Variants in SLC4A4 observed in about 807,000 individuals in gnomAD.
SLC4A4 encodes the protein solute carrier family 4 member 4.
SLC4A4 carries 27 observed loss-of-function variants against 111.5 expected under a neutral mutation model. The ratio of observed to expected loss-of-function variants is 0.24; its 90% CI spans 0.18 to 0.33. The LOEUF is 0.33. Among genes scored for constraint, SLC4A4 ranks in the 10% least tolerant of loss-of-function variants. The pLI, the probability that SLC4A4 is intolerant of heterozygous loss-of-function variation, is 1.00. For synonymous variants in SLC4A4, 443 were observed against 463.4 expected (o/e 0.96, Z 0.57); for missense variants, 909 against 1,315.5 (o/e 0.69, Z 4.78).
intron 2 of SLC4A4, among the ~76,000 whole-genome samples, chr4:71,252,468 A>C (rs186805698): frequency 1.1e-4 from 17 of 152,238 alleles, no homozygotes; most frequent in Admixed American, 9.8e-4. Context: ...CTTGTCCTCT[A>C]CCTGAACACA....
At chr4:71,196,992 A>G (rs1746041668) in intron 1 of SLC4A4, among the ~76,000 whole-genome samples, 1 of 151,688 alleles carries the variant, frequency 6.6e-6, no homozygotes, top group African/African-American at 2.4e-5. Flanking sequence ...AGGTGGGCGG[A>G]TTGTTTGAGG....
chr4:71,367,708 G>A (rs1266767776), intron 6 of SLC4A4, among the ~76,000 whole-genome samples: 1 of 152,188 alleles, frequency 6.6e-6, no homozygotes, highest in African/African-American at 2.4e-5. Flanking sequence ...AATTCAGATT[G>A]CAAAGAGAAG....
intron 3 of SLC4A4, among the ~76,000 whole-genome samples, chr4:71,328,334 T>C (rs978597998): frequency 6.6e-6 from 1 of 152,154 alleles, no homozygotes; most frequent in Non-Finnish European, 1.5e-5. Context: ...TCCTTTCTTT[T>C]GAGCATATAC....
At chr4:71,352,052 C>T (rs1029082386) in intron 5 of SLC4A4, among the ~76,000 whole-genome samples, 1 of 152,090 alleles carries the variant, frequency 6.6e-6, no homozygotes, top group African/African-American at 2.4e-5. Context: ...AAAACAGAAG[C>T]AAGCAGAAAG....
At chr4:71,177,419 A>G (rs370797984) in intron 2 of SLC4A4, among the ~76,000 whole-genome samples, 3 of 151,662 alleles carry the variant, frequency 2.0e-5, no homozygotes, top group Non-Finnish European at 2.9e-5. Flanking sequence ...TCAGTGTGCT[A>G]TATTCAGGAA....
intron 8 of SLC4A4, among the ~76,000 whole-genome samples, chr4:71,443,788 A>G (rs1724987221): frequency 6.6e-6 from 1 of 152,190 alleles, no homozygotes; most frequent in Admixed American, 6.5e-5. Context: ...GATAATATAT[A>G]TATGTTACAA....
chr4:71,228,752 C>T (rs1234334819), intron 1 of SLC4A4, among the ~76,000 whole-genome samples: 1 of 152,136 alleles, frequency 6.6e-6, no homozygotes, highest in African/African-American at 2.4e-5. Context: ...ATTGTAGATT[C>T]AAATGCGTAT....
chr4:71,357,478 T>G (rs916047284), intron 6 of SLC4A4, among the ~76,000 whole-genome samples: 23 of 152,156 alleles, frequency 1.5e-4, no homozygotes, highest in African/African-American at 5.6e-4. Context: ...ATGAAACAAT[T>G]GAATATTATA....
intron 12 of SLC4A4, among the ~76,000 whole-genome samples, chr4:71,454,490 C>T (rs1032038415): frequency 1.3e-5 from 2 of 152,046 alleles, no homozygotes; most frequent in Admixed American, 1.3e-4. Context: ...TTTCCTTCCA[C>T]TTTACTATAT....
chr4:71,150,838 T>G (rs1027731795), intron 2 of SLC4A4, among the ~76,000 whole-genome samples: 1 of 152,150 alleles, frequency 6.6e-6, no homozygotes, highest in Non-Finnish European at 1.5e-5. Context: ...GCATTTTTCT[T>G]ATATTTTACT....
At position 71,530,400 on chromosome 4, in the gene SLC4A4, G is replaced by A. The variant is rs370146665; in HGVS notation, c.2167-1662G>A. On this transcript the variant is annotated intron_variant, in intron 16 of 25. Coordinates refer to ENST00000264485, the MANE Select transcript of SLC4A4 (RefSeq NM_001098484.3). ...ATGTTTTGCAGATGAAGTAATTGAA[G>A]CTAAGAAAGGGTAGGTATTTACAAA... 5.9e-5 allele frequency among the ~76,000 whole-genome samples: 9 copies of A among 152,256 alleles called. No homozygotes were observed. The East Asian group carries it at 1.5e-3, about 26-fold the overall frequency.
chr4:71,089,709 G>A (rs1742319277), intron 1 of SLC4A4, among the ~76,000 whole-genome samples: 1 of 152,030 alleles, frequency 6.6e-6, no homozygotes, highest in Non-Finnish European at 1.5e-5. Flanking sequence ...CTGCAGAACA[G>A]TGGATATTGG....
chr4:71,117,536 CAT>C (rs1322772953), intron 2 of SLC4A4, among the ~76,000 whole-genome samples: 76 of 152,258 alleles, frequency 5.0e-4, no homozygotes, highest in Non-Finnish European at 1.6e-4. Flanking sequence ...CCTAGTGAAA[CAT>C]GTGGCTGATT....
At chr4:71,439,232 G>C (rs1724446736) in intron 7 of SLC4A4, among the ~76,000 whole-genome samples, 1 of 151,114 alleles carries the variant, frequency 6.6e-6, no homozygotes. Flanking sequence ...TTCGAGACCA[G>C]CCTGGCCAAT....
intron 8 of SLC4A4, among the ~76,000 whole-genome samples, chr4:71,443,116 C>CTCTATATATATA (rs1198759861): frequency 1.5e-4 from 10 of 65,654 alleles, no homozygotes; most frequent in Non-Finnish European, 2.1e-4. Flanking sequence ...CTCTCTCTCT[C>CTCTATATATATA]TATATATATA....
chr4:71,196,391 T>C (rs554922996), intron 1 of SLC4A4, among the ~76,000 whole-genome samples: 2 of 152,242 alleles, frequency 1.3e-5, no homozygotes, highest in South Asian at 4.1e-4. Flanking sequence ...AAGATTTAGA[T>C]AAACTAGATT....
intron 4 of SLC4A4, among the ~76,000 whole-genome samples, chr4:71,342,841 T>C (rs1457572394): frequency 6.6e-6 from 1 of 152,202 alleles, no homozygotes; most frequent in Non-Finnish European, 1.5e-5. Flanking sequence ...TTTACCATCC[T>C]TAGAGACGTT....
chr4:71,412,007 C>G (rs946064733), intron 7 of SLC4A4, among the ~76,000 whole-genome samples: 7 of 152,182 alleles, frequency 4.6e-5, no homozygotes, highest in African/African-American at 1.7e-4. Flanking sequence ...CTCTGCTAAA[C>G]AACTGTATTA....
intron 3 of SLC4A4, among the ~76,000 whole-genome samples, chr4:71,267,800 A>AAAAAAG (rs1722391572): frequency 6.7e-6 from 1 of 149,176 alleles, no homozygotes; most frequent in African/African-American, 2.4e-5. Flanking sequence ...CCAAAAAAAA[A>AAAAAAG]AAAAAAAAAA....
Sources: allele counts gnomAD v4.1 joint callset (sites outside exome capture counted in the v4.1 genomes callset), GRCh38; gene constraint gnomAD v4.1.1; transcripts MANE v1.5; gene names NCBI Gene and HGNC (gene_info 2026-07-23, HGNC 2026-07-21).